The following SORT1 variants were observed in gnomAD, a reference collection of about 807,000 sequenced individuals.
SORT1 encodes the protein sortilin 1, also known as sortilin.
Under a neutral mutation model 101.7 loss-of-function variants are expected in SORT1, and 39 were observed. The observed-to-expected ratio is 0.38, with a 90% CI of 0.30 to 0.50. The LOEUF (loss-of-function observed/expected upper bound fraction) is 0.50, where lower values mean the gene tolerates loss of function less well. SORT1 is among the 20% of genes least tolerant of loss of function. The pLI, the probability that SORT1 is intolerant of heterozygous loss-of-function variation, is 0.90. For missense variants in SORT1, 878 were observed against 1,040.4 expected (o/e 0.84, Z 2.15); for synonymous variants, 396 against 393.7 (o/e 1.01, Z -0.07).
intron 10 of SORT1, among the ~76,000 whole-genome samples, chr1:109,338,319 G>A (rs564565577): frequency 6.6e-6 from 1 of 152,292 alleles, no homozygotes; most frequent in South Asian, 2.1e-4. Context: ...TAGGGCAGAT[G>A]GAAAGAGAAG....
intron 1 of SORT1, among the ~76,000 whole-genome samples, chr1:109,391,655 T>A (rs1261757993): frequency 2.0e-5 from 3 of 152,182 alleles, no homozygotes; most frequent in Non-Finnish European, 2.9e-5. Context: ...TTTTCATAGG[T>A]ATGAGGAATC....
chr1:109,370,137 A>T (rs1224140702), intron 1 of SORT1, among the ~76,000 whole-genome samples: 1 of 152,236 alleles, frequency 6.6e-6, no homozygotes, highest in Non-Finnish European at 1.5e-5. Context: ...AATAGTAATA[A>T]TGATAATAAT....
chr1:109,326,075 C>T (rs1446961066), intron 13 of SORT1, among the ~76,000 whole-genome samples: 19 of 140,220 alleles, frequency 1.4e-4, no homozygotes, highest in African/African-American at 2.1e-4. Flanking sequence ...TTTTTTGAGA[C>T]GGGATCTCAC....
At chr1:109,358,400 C>T (rs965351231) in intron 3 of SORT1, among the ~76,000 whole-genome samples, 1 of 152,162 alleles carries the variant, frequency 6.6e-6, no homozygotes, top group African/African-American at 2.4e-5. Flanking sequence ...AGGCGTGATC[C>T]TAGCACTTTA....
chr1:109,345,844 T>C lies in SORT1; in HGVS notation c.870A>G (p.Ser290=). Residue 290 remains serine (S), a synonymous_variant, in exon 8 of 20, where the codon TCA becomes TCG. Transcript: ENST00000256637. ...TAGTTTTGAAGCTTTTTCCCAAGTC[T>C]GAAGTTCTCCATAATTCCAGAGCCC... ...DLGALELWRT[S]DLGKSFKTIG... is the part of the protein sequence containing the mutation. 6.2e-7 allele frequency: 1 copy of C among 1,613,610 alleles called. No individual in the cohort carries two copies. Among genetic ancestry groups the C allele is most frequent in the East Asian group, 2.2e-5 (1 of 44,878 alleles).
chr1:109,328,735 C>A (rs887747310), intron 11 of SORT1, among the ~76,000 whole-genome samples: 5 of 152,188 alleles, frequency 3.3e-5, no homozygotes, highest in African/African-American at 1.2e-4. Flanking sequence ...TGACTCTACA[C>A]AAATAAACTT....
At position 109,314,295 on chromosome 1, in the gene SORT1, G is replaced by T. The variant is rs780479262; in HGVS notation, c.2447C>A (p.Thr816Asn). The T allele has an allele frequency of 3.7e-6, 6 of 1,612,920 alleles. No homozygotes were observed. Among genetic ancestry groups the T allele is most frequent in the Non-Finnish European group, 5.1e-6 (6 of 1,179,716 alleles). ...GVDALDTASHTNKSGYHDDSD... is the reference protein window; with the variant it reads ...GVDALDTASHNNKSGYHDDSD... Reference sequence around the variant, plus strand: ...GTCATCATGATAACCACTTTTATTAGTGTGGGAGGCTGTGTCCAAAGCATC... The same window carrying T: ...GTCATCATGATAACCACTTTTATTATTGTGGGAGGCTGTGTCCAAAGCATC... The change falls in exon 19 of 20, where the codon ACT (threonine) becomes AAT (asparagine). Residue 816 changes from threonine (T) to asparagine (N), a missense_variant. By Grantham distance (65) the Thr-to-Asn change is moderately conservative. Around this residue, in one of 2 missense-constraint regions of SORT1, gnomAD observed 684 missense variants for 894.5 expected, o/e 0.76. Transcript: ENST00000256637.
intron 1 of SORT1, among the ~76,000 whole-genome samples, chr1:109,386,083 C>T (rs985084725): frequency 3.9e-5 from 6 of 152,246 alleles, no homozygotes; most frequent in African/African-American, 7.2e-5. Context: ...TATTAAGGTA[C>T]TCACTGTTAA....
intron 10 of SORT1, among the ~76,000 whole-genome samples, chr1:109,339,082 T>C (rs1649040448): frequency 6.6e-6 from 1 of 152,214 alleles, no homozygotes; most frequent in African/African-American, 2.4e-5. Flanking sequence ...TTTCGCCGTG[T>C]TAGCCAGGAT....
rs149314834 is a variant in SORT1, at chr1:109,345,556, G to A, written c.963+195C>T. Among the ~76,000 whole-genome samples the A allele has an allele frequency of 1.3e-3, 197 of 151,802 alleles. 2 individuals are homozygous for A. The highest frequency in any genetic ancestry group is 9.1e-3 in the East Asian group (47 of 5,180). On this transcript the variant is annotated intron_variant, in intron 8 of 19. Coordinates refer to ENST00000256637, the MANE Select transcript of SORT1 (RefSeq NM_002959.7). ...CCAAAAAAGATAACAGAATTCACAT[G>A]GTGACAGAAGGCCAAAGTGCAGAGT...
chr1:109,344,848 C>T (rs2101587098), intron 8 of SORT1, among the ~76,000 whole-genome samples: 1 of 152,178 alleles, frequency 6.6e-6, no homozygotes, highest in Admixed American at 6.5e-5. Context: ...AGGCACATGC[C>T]ACCATGCCTG....
chr1:109,346,170 A>G (rs902792110), intron 7 of SORT1, among the ~76,000 whole-genome samples: 7 of 151,726 alleles, frequency 4.6e-5, no homozygotes, highest in African/African-American at 1.7e-4. Flanking sequence ...AAATTTAGCC[A>G]GGCGTGGTGG....
At chr1:109,334,766 AC>A (rs1382200234) in intron 11 of SORT1, among the ~76,000 whole-genome samples, 1 of 152,190 alleles carries the variant, frequency 6.6e-6, no homozygotes, top group Admixed American at 6.5e-5. Context: ...ATATATCAAA[AC>A]ATCACAGTGT....
chr1:109,372,025 T>C (rs1651509187), intron 1 of SORT1, among the ~76,000 whole-genome samples: 1 of 152,144 alleles, frequency 6.6e-6, no homozygotes, highest in Non-Finnish European at 1.5e-5. Context: ...AAAGGTCATA[T>C]GGAAAGGAGA....
chr1:109,334,933 T>C (rs1035066190), intron 11 of SORT1, among the ~76,000 whole-genome samples: 26 of 152,294 alleles, frequency 1.7e-4, no homozygotes, highest in African/African-American at 6.0e-4. Flanking sequence ...TATTATATTA[T>C]GTATATTTTA....
At chr1:109,370,745 A>T (rs1008949746) in intron 1 of SORT1, among the ~76,000 whole-genome samples, 1 of 152,224 alleles carries the variant, frequency 6.6e-6, no homozygotes, top group Non-Finnish European at 1.5e-5. Context: ...GCTCCTTGGA[A>T]GCTGGGGAAT....
At chr1:109,373,081 C>G (rs1171522749) in intron 1 of SORT1, among the ~76,000 whole-genome samples, 1 of 151,688 alleles carries the variant, frequency 6.6e-6, no homozygotes, top group Non-Finnish European at 1.5e-5. Flanking sequence ...GAAAAAAAAA[C>G]CCAAAACGAC....
intron 8 of SORT1, among the ~76,000 whole-genome samples, chr1:109,345,227 T>C (rs530441696): frequency 3.3e-4 from 50 of 152,238 alleles, no homozygotes; most frequent in African/African-American, 1.2e-3. Context: ...TGGATCAAAA[T>C]ATCCTGGCCG....
intron 1 of SORT1, chr1:109,392,814 A>G (rs2100934693): frequency 1.0e-6 from 1 of 985,086 alleles, no homozygotes; most frequent in Non-Finnish European, 1.2e-6. Flanking sequence ...AAGACTCTTC[A>G]TGAAGGTTTC....
Sources: allele counts gnomAD v4.1 joint callset (sites outside exome capture counted in the v4.1 genomes callset), GRCh38; gene constraint gnomAD v4.1.1; regional missense constraint gnomAD v4.1.1; transcripts MANE v1.5; gene names NCBI Gene and HGNC (gene_info 2026-07-23, HGNC 2026-07-21).